The following CSMD1 variants were observed in gnomAD, a reference collection of about 807,000 sequenced individuals.
CSMD1 encodes CUB and Sushi multiple domains 1.
A neutral mutation model predicts 417.5 loss-of-function variants in CSMD1; 213 were observed. That is an observed-to-expected ratio of 0.51 (90% CI 0.46 to 0.57). The LOEUF (loss-of-function observed/expected upper bound fraction) is 0.57, where lower values mean the gene tolerates loss of function less well. Ranked by LOEUF, CSMD1 falls within the 20% of genes least tolerant of loss-of-function variation. The pLI is 0.00. For missense variants in CSMD1, 6,923 were observed against 4,529.7 expected, an observed-to-expected ratio of 1.53 and a Z score of -15.17; for synonymous variants, 2,862 against 1,736.8, an observed-to-expected ratio of 1.65 and a Z score of -16.11.
chr8:3,888,626 C>G (rs1461226092), intron 5 of CSMD1, among the ~76,000 whole-genome samples: 1 of 152,122 alleles, frequency 6.6e-6, no homozygotes, highest in Admixed American at 6.6e-5. Context: ...GTCATACAAG[C>G]AAGGTCAAGT....
chr8:3,257,177 C>T (rs1800715055), intron 26 of CSMD1, among the ~76,000 whole-genome samples: 1 of 152,094 alleles, frequency 6.6e-6, no homozygotes, highest in Non-Finnish European at 1.5e-5. Flanking sequence ...CAAAAATTTG[C>T]TGGGTTTGGT....
At position 3,322,409 on chromosome 8, in the gene CSMD1, G is replaced by A. The variant is rs181336157; in HGVS notation, c.3632-13906C>T. ...TTTCTTAGTATTTCCTTCAAATCTT[G>A]TACTAAGAGCACAGATAAAGAATTT... is the stretch of plus-strand genomic sequence containing the variant. On this transcript the variant is annotated intron_variant, in intron 23 of 69. Coordinates refer to ENST00000635120, the MANE Select transcript of CSMD1 (RefSeq NM_033225.6). Among the ~76,000 whole-genome samples the A allele has an allele frequency of 1.9e-3, 293 of 152,138 alleles. 2 individuals are homozygous for A. The highest frequency in any genetic ancestry group is 5.9e-3 in the African/African-American group (245 of 41,488).
intron 49 of CSMD1, among the ~76,000 whole-genome samples, chr8:3,074,295 C>G (rs1008844728): frequency 1.1e-4 from 16 of 152,160 alleles, no homozygotes; most frequent in African/African-American, 3.6e-4. Context: ...TAGAAGAGCC[C>G]GTCTGGTGAG....
intron 11 of CSMD1, among the ~76,000 whole-genome samples, chr8:3,484,576 G>A (rs556680317): frequency 6.6e-6 from 1 of 152,248 alleles, no homozygotes; most frequent in South Asian, 2.1e-4. Context: ...TTATGGGAAA[G>A]CCCATAAACT....
At chr8:3,860,654 G>T (rs1219885535) in intron 5 of CSMD1, among the ~76,000 whole-genome samples, 3 of 152,088 alleles carry the variant, frequency 2.0e-5, no homozygotes, top group African/African-American at 7.2e-5. Flanking sequence ...CCATAATCCG[G>T]TTAATTATTA....
At chr8:4,701,640 T>G (rs892350030) in intron 1 of CSMD1, among the ~76,000 whole-genome samples, 2 of 152,152 alleles carry the variant, frequency 1.3e-5, no homozygotes, top group African/African-American at 2.4e-5. Context: ...TACAGGAGTT[T>G]GAAGTATGCT....
intron 5 of CSMD1, among the ~76,000 whole-genome samples, chr8:3,977,047 A>G (rs1024122131): frequency 5.9e-5 from 9 of 152,148 alleles, no homozygotes; most frequent in Non-Finnish European, 1.0e-4. Context: ...GATTACAACC[A>G]TCTTTTCTTG....
chr8:4,693,127 G>C (rs1356828066), intron 1 of CSMD1, among the ~76,000 whole-genome samples: 3 of 152,182 alleles, frequency 2.0e-5, no homozygotes, highest in African/African-American at 4.8e-5. Context: ...AATCTTCTGA[G>C]TGTCAGGGTT....
chr8:4,842,860 C>G (rs1383494392), intron 1 of CSMD1, among the ~76,000 whole-genome samples: 1 of 152,096 alleles, frequency 6.6e-6, no homozygotes, highest in Admixed American at 6.5e-5. Flanking sequence ...TTTTTCAACG[C>G]TTAAAGGCTT....
intron 49 of CSMD1, among the ~76,000 whole-genome samples, chr8:3,070,541 G>T (rs1044852342): frequency 1.3e-5 from 2 of 152,152 alleles, no homozygotes; most frequent in Non-Finnish European, 2.9e-5. Flanking sequence ...CCCTAGGGAA[G>T]GGGAAAGATG....
At chr8:4,891,940 A>G (rs1220494051) in intron 1 of CSMD1, among the ~76,000 whole-genome samples, 1 of 152,132 alleles carries the variant, frequency 6.6e-6, no homozygotes, top group Non-Finnish European at 1.5e-5. Context: ...AATAAAAGAA[A>G]AAAGAAGATG....
intron 3 of CSMD1, among the ~76,000 whole-genome samples, chr8:4,098,452 A>G (rs1018988517): frequency 2.6e-5 from 4 of 152,050 alleles, no homozygotes; most frequent in Non-Finnish European, 4.4e-5. Context: ...TGCATCAGAC[A>G]CATATTGTTC....
At chr8:4,226,225 C>T (rs1407178512) in intron 3 of CSMD1, among the ~76,000 whole-genome samples, 2 of 151,772 alleles carry the variant, frequency 1.3e-5, no homozygotes, top group Non-Finnish European at 2.9e-5. Flanking sequence ...TGAAAGGATC[C>T]CAGCAAAAAC....
chr8:4,448,249 C>G (rs1393750507), intron 2 of CSMD1, among the ~76,000 whole-genome samples: 2 of 152,148 alleles, frequency 1.3e-5, no homozygotes, highest in Admixed American at 6.5e-5. Flanking sequence ...GAATCAAAAG[C>G]CCATTTAGCA....
Position 4,880,443 on chromosome 8 carries a change from G to A in CSMD1, c.85+113889C>T, listed in dbSNP as rs1005960822. Among the ~76,000 whole-genome samples, 6 of 152,010 alleles carry A rather than the reference G, an allele frequency of 3.9e-5. No individual in the cohort carries two copies. The East Asian group carries it at 1.2e-3, about 29-fold the overall frequency. On this transcript the variant is annotated intron_variant, in intron 1 of 69. Transcript: ENST00000635120. Reference sequence around the variant, plus strand: ...ACTCCTTACAGATGTATGATGACTCGGTGATGTCTGAGAAGAGAGGAATTT... The same window carrying A: ...ACTCCTTACAGATGTATGATGACTCAGTGATGTCTGAGAAGAGAGGAATTT...
Position 4,637,934 on chromosome 8 carries a change from T to C in CSMD1, c.86-376A>G, listed in dbSNP as rs369887547. Among the ~76,000 whole-genome samples the C allele has an allele frequency of 3.3e-5, 5 of 151,098 alleles. No individual in the cohort carries two copies. In the South Asian group the frequency reaches 1.0e-3, roughly 32 times the overall value. On this transcript the variant is annotated intron_variant, in intron 1 of 69. Coordinates refer to ENST00000635120, the MANE Select transcript of CSMD1 (RefSeq NM_033225.6). ...ATCCACCCGCCCCGGCCTCCCAAAG[T>C]GCTGGGATTACAGGCGTGAGCCACC...
chr8:4,401,234 T>C (rs757448488), intron 3 of CSMD1, among the ~76,000 whole-genome samples: 3 of 152,138 alleles, frequency 2.0e-5, no homozygotes, highest in Admixed American at 6.5e-5. Context: ...AATTTCAGCA[T>C]TGTATGCTTA....
intron 1 of CSMD1, among the ~76,000 whole-genome samples, chr8:4,732,035 G>T (rs1809907200): frequency 6.6e-6 from 1 of 152,144 alleles, no homozygotes; most frequent in African/African-American, 2.4e-5. Context: ...TTGACTGCAT[G>T]CCTCCCCCAT....
intron 3 of CSMD1, among the ~76,000 whole-genome samples, chr8:4,263,594 G>C (rs1465755801): frequency 6.6e-6 from 1 of 152,056 alleles, no homozygotes; most frequent in Admixed American, 6.6e-5. Flanking sequence ...AATTTTCACT[G>C]ACCTTCAACA....
Sources: gnomAD v4.1 joint callset for allele counts (sites outside exome capture counted in the v4.1 genomes callset) on GRCh38, gnomAD v4.1.1 for gene constraint, MANE v1.5 for transcripts, NCBI Gene and HGNC (gene_info 2026-07-23, HGNC 2026-07-21) for gene names.